BCKDHB: variants seen among roughly 807,000 people sequenced by gnomAD.
The protein encoded by BCKDHB is branched chain keto acid dehydrogenase E1 subunit beta, also known as 2-oxoisovalerate dehydrogenase subunit beta, mitochondrial.
In BCKDHB, 41 loss-of-function variants were observed where a neutral mutation model predicts 48.5. The observed-to-expected ratio is 0.85, with a 90% confidence interval of 0.66 to 1.10. BCKDHB has a LOEUF of 1.10. Among genes scored for constraint, BCKDHB ranks in the 50% least tolerant of loss-of-function variants. BCKDHB has a pLI of 0.00. For missense variants in BCKDHB, 496 were observed against 494.2 expected, an observed-to-expected ratio of 1.00 and a Z score of -0.03; for synonymous variants, 201 against 174.8, an observed-to-expected ratio of 1.15 and a Z score of -1.18.
chr6:80,315,937 A>C (rs1768424026), intron 9 of BCKDHB, among the ~76,000 whole-genome samples: 1 of 152,248 alleles, frequency 6.6e-6, no homozygotes, highest in Admixed American at 6.5e-5. Flanking sequence ...TCCTGTTTAC[A>C]CCGCAATTTA....
At chr6:80,318,700 A>G (rs1442334471) in intron 9 of BCKDHB, among the ~76,000 whole-genome samples, 19 of 150,462 alleles carry the variant, frequency 1.3e-4, no homozygotes, top group South Asian at 2.1e-4. Flanking sequence ...AAAAAAAAAA[A>G]AAAAGAAAAG....
intron 6 of BCKDHB, among the ~76,000 whole-genome samples, chr6:80,176,614 A>AG (rs111619959): frequency 0.035 from 5,259 of 152,190 alleles, 307 homozygotes; most frequent in African/African-American, 0.12. Context: ...CTCTTGGAGA[A>AG]GAAAAAAAAA....
intron 6 of BCKDHB, among the ~76,000 whole-genome samples, chr6:80,173,927 T>C (rs1773035009): frequency 1.3e-5 from 2 of 151,906 alleles, no homozygotes; most frequent in Non-Finnish European, 2.9e-5. Context: ...ATAAAAGGAA[T>C]GGTGCATTGT....
At chr6:80,140,238 G>A (rs1404011124) in intron 3 of BCKDHB, among the ~76,000 whole-genome samples, 1 of 152,204 alleles carries the variant, frequency 6.6e-6, no homozygotes, top group Non-Finnish European at 1.5e-5. Flanking sequence ...ATACAATCAT[G>A]TAATCTGCAA....
chr6:80,150,952 A>G (rs1022243206), intron 3 of BCKDHB, among the ~76,000 whole-genome samples: 1 of 152,192 alleles, frequency 6.6e-6, no homozygotes, highest in Non-Finnish European at 1.5e-5. Context: ...TGTCCTTAAT[A>G]TATGTGAAAT....
chr6:80,463,288 C>A, the BCKDHB span: 6 of 152,098 alleles, frequency 3.9e-5, no homozygotes, highest in African/African-American at 1.4e-4. Context: ...ACTAGTTTTT[C>A]TAGCCAAATT....
chr6:80,124,247 G>A lies in BCKDHB; in HGVS notation c.197-3300G>A, dbSNP rs528604141. On this transcript the variant is annotated intron_variant, in intron 1 of 9. Coordinates refer to ENST00000320393, the MANE Select transcript of BCKDHB (RefSeq NM_183050.4). ...CTGAGTTCTAATTTGATTGCACTGC[G>A]GTTTGAGAGACAGTTTGTTGTTATT... Among the ~76,000 whole-genome samples the A allele has an allele frequency of 5.3e-5, 8 of 152,250 alleles. No homozygotes were observed. In the East Asian group the frequency reaches 9.7e-4, roughly 18 times the overall value.
intron 6 of BCKDHB, 112 bp from the exon 7 acceptor site, chr6:80,200,822 A>G (rs1774354432): frequency 4.6e-6 from 4 of 863,090 alleles, no homozygotes; most frequent in South Asian, 4.5e-5. Flanking sequence ...CAGAATTTAG[A>G]GAAACAAAAA....
chr6:80,443,890 T>C, the BCKDHB span, among the ~76,000 whole-genome samples: 66 of 152,172 alleles, frequency 4.3e-4, no homozygotes, highest in African/African-American at 1.6e-3. Flanking sequence ...TGTTCAGATA[T>C]CTGAAAGATG....
chr6:80,210,272 A>G (rs1774862677), intron 8 of BCKDHB, among the ~76,000 whole-genome samples: 1 of 152,166 alleles, frequency 6.6e-6, no homozygotes, highest in African/African-American at 2.4e-5. Flanking sequence ...ATGAGAATAA[A>G]TGAACTAAAA....
chr6:80,134,814 G>A (rs1770804066), intron 3 of BCKDHB, among the ~76,000 whole-genome samples: 1 of 151,822 alleles, frequency 6.6e-6, no homozygotes, highest in East Asian at 1.9e-4. Flanking sequence ...GTGCAGTGGC[G>A]AGATCTCAGC....
At chr6:80,222,518 G>A (rs1775503758) in intron 8 of BCKDHB, among the ~76,000 whole-genome samples, 1 of 152,028 alleles carries the variant, frequency 6.6e-6, no homozygotes. Flanking sequence ...TTCCCTGGAT[G>A]GATCTAAGAT....
At chr6:80,427,794 T>A in the BCKDHB span, among the ~76,000 whole-genome samples, 2 of 152,206 alleles carry the variant, frequency 1.3e-5, no homozygotes, top group African/African-American at 4.8e-5. Context: ...GTGTTCTGCT[T>A]GCCTACTTCT....
intron 8 of BCKDHB, among the ~76,000 whole-genome samples, chr6:80,270,847 C>G (rs535414449): frequency 1.2e-4 from 18 of 152,200 alleles, no homozygotes; most frequent in African/African-American, 3.9e-4. Flanking sequence ...TCCTTTGTTT[C>G]TGAAGCTAGT....
the BCKDHB span, among the ~76,000 whole-genome samples, chr6:80,386,988 C>A: frequency 5.9e-5 from 9 of 152,086 alleles, no homozygotes; most frequent in East Asian, 5.8e-4. Flanking sequence ...CCATCCCCCC[C>A]CAAGGAGACC....
chr6:80,376,898 G>A, the BCKDHB span, among the ~76,000 whole-genome samples: 2 of 152,060 alleles, frequency 1.3e-5, no homozygotes, highest in African/African-American at 4.8e-5. Context: ...TGCGTTATTT[G>A]TCTTTTCAAT....
intron 8 of BCKDHB, among the ~76,000 whole-genome samples, chr6:80,233,084 C>T (rs953860755): frequency 6.6e-6 from 1 of 152,090 alleles, no homozygotes; most frequent in African/African-American, 2.4e-5. Context: ...ATGTCCAATA[C>T]TCATGCTTAA....
At chr6:80,151,569 T>C (rs1302293271) in intron 3 of BCKDHB, among the ~76,000 whole-genome samples, 1 of 152,132 alleles carries the variant, frequency 6.6e-6, no homozygotes, top group African/African-American at 2.4e-5. Flanking sequence ...ATATCAGATA[T>C]AGTTAGTGAA....
intron 9 of BCKDHB, among the ~76,000 whole-genome samples, chr6:80,280,267 A>C (rs182521815): frequency 7.2e-5 from 11 of 152,316 alleles, no homozygotes; most frequent in African/African-American, 2.6e-4. Flanking sequence ...TGGCAAATAG[A>C]AAGTAGTAGG....
Sources: gnomAD v4.1 joint callset for allele counts (sites outside exome capture counted in the v4.1 genomes callset) on GRCh38, gnomAD v4.1.1 for gene constraint, MANE v1.5 for transcripts, NCBI Gene and HGNC (gene_info 2026-07-23, HGNC 2026-07-21) for gene names.